ITM2B: variants seen among roughly 807,000 people sequenced by gnomAD.
The protein encoded by ITM2B is integral membrane protein 2B.
A neutral mutation model predicts 27.8 loss-of-function variants in ITM2B; 11 were observed. The observed-to-expected ratio is 0.40, with a 90% CI of 0.25 to 0.66. The LOEUF is 0.66. Among genes scored for constraint, ITM2B ranks in the 30% least tolerant of loss-of-function variants. The pLI, the probability that ITM2B is intolerant of heterozygous loss-of-function variation, is 0.43. For missense variants in ITM2B, 296 were observed against 328.9 expected, an observed-to-expected ratio of 0.90 and a Z score of 0.77; for synonymous variants, 114 against 114.3, an observed-to-expected ratio of 1.00 and a Z score of 0.02.
chr13:48,256,500 T>A, intron 3 of ITM2B, 117 bp downstream of exon 3: 1 of 852,630 alleles, frequency 1.2e-6, no homozygotes, highest in Admixed American at 2.1e-5. Context: ...TAATAAACTG[T>A]CAGCATTTGG....
intron 1 of ITM2B, among the ~76,000 whole-genome samples, chr13:48,245,592 C>G (rs1447966890): frequency 2.7e-5 from 4 of 150,290 alleles, no homozygotes; most frequent in Non-Finnish European, 4.4e-5. Context: ...TAAAACTGTG[C>G]TAGTTTTATG....
At chr13:48,248,799 C>G (rs1417805640) in intron 1 of ITM2B, among the ~76,000 whole-genome samples, 2 of 152,224 alleles carry the variant, frequency 1.3e-5, no homozygotes, top group African/African-American at 4.8e-5. Flanking sequence ...CACACACGGC[C>G]ATGGGCCACG....
intron 1 of ITM2B, among the ~76,000 whole-genome samples, chr13:48,241,907 T>C (rs986846422): frequency 2.0e-5 from 3 of 152,212 alleles, no homozygotes; most frequent in Non-Finnish European, 4.4e-5. Flanking sequence ...TGAAAAAAGT[T>C]TGACCTTGTG....
intron 1 of ITM2B, among the ~76,000 whole-genome samples, chr13:48,249,459 A>T (rs1951740793): frequency 6.6e-6 from 1 of 152,078 alleles, no homozygotes; most frequent in South Asian, 2.1e-4. Flanking sequence ...TAAATTTTTG[A>T]CTCAGTTGAT....
In ITM2B at chr13:48,258,716, G is replaced by A. The variant is rs937498708; in HGVS notation, c.565-81G>A. 3 of 1,303,164 alleles carry A rather than the reference G, an allele frequency of 2.3e-6. No homozygotes were observed. The African/African-American group carries it at 4.4e-5, about 19-fold the overall frequency. The allele number at this position is 1,303,164 out of a possible 1,614,324, so 80.7% of individuals were successfully genotyped here. A position where few individuals can be genotyped will look rare whatever the true frequency, so the allele number is the denominator to read the frequency against. The stretch of plus-strand genomic sequence containing the variant: ...GGCAACCTGTTCCATACCATAATGT[G>A]TAAGAATTTTGTCTTGTTTCTCTAG... On this transcript the variant is annotated intron_variant, in intron 4 of 5. Coordinates refer to ENST00000647800, the MANE Select transcript of ITM2B (RefSeq NM_021999.5).
chr13:48,251,714 G>A lies in ITM2B; in HGVS notation c.118-2094G>A, dbSNP rs993222198. Among the ~76,000 whole-genome samples the A allele has an allele frequency of 5.9e-5, 9 of 152,122 alleles. No homozygotes were observed. The East Asian group carries it at 1.7e-3, about 29-fold the overall frequency. On this transcript the variant is annotated intron_variant, in intron 1 of 5. Coordinates refer to ENST00000647800, the MANE Select transcript of ITM2B (RefSeq NM_021999.5). Reference sequence around the variant, plus strand: ...GGTGGGTGTGTGCGCACATTTGGCTGTCCCAGCAGCTGATACCAAATGTTG... The same window carrying A: ...GGTGGGTGTGTGCGCACATTTGGCTATCCCAGCAGCTGATACCAAATGTTG...
At chr13:48,260,435 A>G (rs1484918777) in intron 5 of ITM2B, among the ~76,000 whole-genome samples, 1 of 152,102 alleles carries the variant, frequency 6.6e-6, no homozygotes, top group Admixed American at 6.5e-5. Flanking sequence ...CTCTTCCACA[A>G]TGGTTGAACT....
chr13:48,257,892 A>C (rs2137995080), intron 3 of ITM2B, among the ~76,000 whole-genome samples: 2 of 152,252 alleles, frequency 1.3e-5, no homozygotes, highest in Admixed American at 1.3e-4. Flanking sequence ...AGGTATTATT[A>C]CTTATTATAG....
chr13:48,242,281 G>A (rs1414125729), intron 1 of ITM2B, among the ~76,000 whole-genome samples: 2 of 152,124 alleles, frequency 1.3e-5, no homozygotes, highest in Admixed American at 6.5e-5. Flanking sequence ...TGGGGCAGGA[G>A]AGAGGGTTCC....
At chr13:48,235,664 G>T (rs1232806580) in intron 1 of ITM2B, among the ~76,000 whole-genome samples, 1 of 152,138 alleles carries the variant, frequency 6.6e-6, no homozygotes, top group Admixed American at 6.5e-5. Context: ...GCTCCTTGCG[G>T]GTGGCTCTGT....
chr13:48,261,263 C>T lies in ITM2B; in HGVS notation c.*39C>T, dbSNP rs15059. 2.3e-6 allele frequency: 3 copies of T among 1,301,718 alleles called. No individual in the cohort carries two copies. The highest frequency in any genetic ancestry group is 3.3e-6 in the Non-Finnish European group (3 of 895,808). The allele number at this position is 1,301,718 out of a possible 1,614,324, so 80.6% of individuals were successfully genotyped here. On this transcript the variant is annotated 3_prime_UTR_variant, in exon 6 of 6. Coordinates refer to ENST00000647800, the MANE Select transcript of ITM2B (RefSeq NM_021999.5). ...ACATTATTGAGGAAAATTAATATCA[C>T]AGCATAACCCCACCCTTTACATTTT... is the stretch of plus-strand genomic sequence containing the variant.
chr13:48,237,704 A>T (rs1269913838), intron 1 of ITM2B, among the ~76,000 whole-genome samples: 1 of 152,214 alleles, frequency 6.6e-6, no homozygotes, highest in African/African-American at 2.4e-5. Flanking sequence ...GTAAATGTAC[A>T]TAGAAACATG....
At chr13:48,254,103 A>G (rs1447075495) in intron 2 of ITM2B, among the ~76,000 whole-genome samples, 167 bp downstream of exon 2, 1 of 152,002 alleles carries the variant, frequency 6.6e-6, no homozygotes, top group Non-Finnish European at 1.5e-5. Flanking sequence ...TCTCTCCATG[A>G]TATGTTTGCT....
intron 5 of ITM2B, among the ~76,000 whole-genome samples, chr13:48,260,570 G>GT (rs1951816638): frequency 6.7e-6 from 1 of 150,042 alleles, no homozygotes; most frequent in African/African-American, 2.4e-5. Flanking sequence ...CTTTATGTCA[G>GT]TGAGTTCCCA....
At chr13:48,257,699 A>G (rs570935646) in intron 3 of ITM2B, among the ~76,000 whole-genome samples, 1 of 152,228 alleles carries the variant, frequency 6.6e-6, no homozygotes, top group Non-Finnish European at 1.5e-5. Flanking sequence ...TTTGAACCAC[A>G]GAACACAAAA....
At chr13:48,251,656 A>G (rs1171724883) in intron 1 of ITM2B, among the ~76,000 whole-genome samples, 1 of 152,146 alleles carries the variant, frequency 6.6e-6, no homozygotes, top group African/African-American at 2.4e-5. Context: ...CTATTCATTT[A>G]TGTACTATTG....
In ITM2B at chr13:48,238,641, G is replaced by A. The variant is rs191982369; in HGVS notation, c.117+5164G>A. On this transcript the variant is annotated intron_variant, in intron 1 of 5. Coordinates refer to ENST00000647800, the MANE Select transcript of ITM2B (RefSeq NM_021999.5). ...AGCTTATATATAATACCACTTCTGA[G>A]TTAAATATCCTGGACGTTTATTTGG... Among the ~76,000 whole-genome samples the A allele has an allele frequency of 5.1e-4, 78 of 152,278 alleles. 1 individual carries two copies. Among genetic ancestry groups the A allele is most frequent in the African/African-American group, 1.8e-3 (76 of 41,566 alleles).
intron 1 of ITM2B, among the ~76,000 whole-genome samples, chr13:48,250,510 C>T (rs1242572711): frequency 1.3e-5 from 2 of 151,472 alleles, no homozygotes; most frequent in Admixed American, 6.6e-5. Flanking sequence ...CTCAGCTACT[C>T]GGGAGACAGA....
At chr13:48,252,209 T>A (rs1294973976) in intron 1 of ITM2B, among the ~76,000 whole-genome samples, 1 of 152,240 alleles carries the variant, frequency 6.6e-6, no homozygotes, top group Non-Finnish European at 1.5e-5. Context: ...CTTTTTCAGT[T>A]GTATCATGTT....
Sources: allele counts gnomAD v4.1 joint callset (sites outside exome capture counted in the v4.1 genomes callset), GRCh38; gene constraint gnomAD v4.1.1; transcripts MANE v1.5; gene names NCBI Gene and HGNC (gene_info 2026-07-23, HGNC 2026-07-21).